The following ZNF562 variants were observed in gnomAD, a reference collection of about 807,000 sequenced individuals.
ZNF562 encodes the protein zinc finger protein 562.
In ZNF562, 13 loss-of-function variants were observed where a neutral mutation model predicts 17.5. The ratio of observed to expected loss-of-function variants is 0.74; its 90% CI spans 0.48 to 1.18. ZNF562 has a LOEUF of 1.18. ZNF562 is among the 50% of genes most tolerant of loss of function. The pLI is 0.00. For synonymous variants in ZNF562, 163 were observed against 165.4 expected, an observed-to-expected ratio of 0.99 and a Z score of 0.11; for missense variants, 481 against 498.5, an observed-to-expected ratio of 0.96 and a Z score of 0.33.
At position 9,651,993 on chromosome 19, in the gene ZNF562, C is replaced by T. The variant is rs1201048041; in HGVS notation, c.*956G>A. ...ATTGTTAAGGAAAAAGGAACCAGAA[C>T]TTGGAGATTTGGAAAATTCTCAGCC... On this transcript the variant is annotated 3_prime_UTR_variant, in exon 6 of 6. Transcript: ENST00000453372. 2 of 152,220 alleles carry T rather than the reference C, an allele frequency of 1.3e-5. No individual in the cohort carries two copies. The highest frequency in any genetic ancestry group is 2.9e-5 in the Non-Finnish European group (2 of 68,042). The allele number at this position is 152,220 out of a possible 1,614,324, so 9.4% of individuals were successfully genotyped here.
rs2074780345 is a variant in ZNF562 at position 9,642,688 on chromosome 19, TA to T, written c.*10260del. The T allele has an allele frequency of 6.6e-6, 1 of 151,834 alleles. No individual in the cohort carries two copies. Among genetic ancestry groups the T allele is most frequent in the South Asian group, 2.1e-4 (1 of 4,816 alleles). 9.4% of individuals were successfully genotyped at this position (151,834 alleles called of 1,614,324 possible). On this transcript the variant is annotated 3_prime_UTR_variant, in exon 6 of 6. Coordinates refer to ENST00000453372, the MANE Select transcript of ZNF562 (RefSeq NM_001130031.2). ...TCTGAACTTTGTATCAAATGGGTAA[TA>T]AGACTATGTAACAGGAACAACACAA...
Position 9,651,121 on chromosome 19 carries a change from C to T in ZNF562, c.*1828G>A, listed in dbSNP as rs1464581637. The stretch of plus-strand genomic sequence containing the variant: ...GTGAGGTACTGCAATTAAAAACAAA[C>T]AAAAAAACTAAAAATGTGAAGCAGC... On this transcript the variant is annotated 3_prime_UTR_variant, in exon 6 of 6. Transcript: ENST00000453372. 6.6e-6 allele frequency: 1 copy of T among 151,792 alleles called. No individual in the cohort carries two copies. 9.4% of individuals were successfully genotyped at this position (151,792 alleles called of 1,614,324 possible). A position where few individuals can be genotyped will look rare whatever the true frequency, so the allele number is the denominator to read the frequency against.
At chr19:9,659,273 T>G in intron 3 of ZNF562, 106 bp downstream of exon 3, 2 of 1,022,872 alleles carry the variant, frequency 2.0e-6, no homozygotes, top group Non-Finnish European at 2.9e-6. Flanking sequence ...GAGTAAGGCT[T>G]CATTTGCTCT....
At chr19:9,655,774 T>C (rs1316121383) in intron 5 of ZNF562, among the ~76,000 whole-genome samples, 1 of 128,458 alleles carries the variant, frequency 7.8e-6, no homozygotes, top group Admixed American at 9.5e-5. Context: ...CACTTGGTCA[T>C]CTAAGCTGGA....
At chr19:9,657,873 T>TAG (rs1286028521) in intron 4 of ZNF562, 136 bp downstream of exon 4, 2 of 1,223,546 alleles carry the variant, frequency 1.6e-6, no homozygotes, top group East Asian at 5.3e-5. Context: ...GATTTTTTTT[T>TAG]AGAGATGAGG....
At chr19:9,669,741 C>CAA (rs2044102469) in intron 1 of ZNF562, among the ~76,000 whole-genome samples, 1 of 138,014 alleles carries the variant, frequency 7.2e-6, no homozygotes, top group Non-Finnish European at 1.6e-5. Flanking sequence ...CGCGCACACA[C>CAA]ACACACACAC....
chr19:9,647,222 C>T lies in ZNF562; in HGVS notation c.*5727G>A, dbSNP rs111523458. 8,792 of 152,074 alleles carry T rather than the reference C, an allele frequency of 0.058. 368 individuals carry two copies. The highest frequency in any genetic ancestry group is 0.092 in the Non-Finnish European group (6,253 of 68,156). 9.4% of individuals were successfully genotyped at this position (152,074 alleles called of 1,614,324 possible). ...TCAGCCTCCTGAGTAGCTGGGATTA[C>T]AGGGGCACAATACCGTGCCCAGCTA... On this transcript the variant is annotated 3_prime_UTR_variant, in exon 6 of 6. Transcript: ENST00000453372.
chr19:9,653,552 G>A lies in ZNF562; in HGVS notation c.678C>T (p.His226=), dbSNP rs1004859196. 24 of 1,614,154 alleles carry A rather than the reference G, an allele frequency of 1.5e-5. No individual in the cohort carries two copies. Among genetic ancestry groups the A allele is most frequent in the Non-Finnish European group, 1.9e-5 (22 of 1,180,026 alleles). The part of the protein sequence containing the change: ...FASLDNHMGI[H]IGEKLCEFQE... ...GAAATTCACAGAGTTTCTCTCCAAT[G>A]TGGATTCCCATGTGATTATCAAGGC... Residue 226 remains histidine (H), a synonymous_variant, in exon 6 of 6, where the codon CAC becomes CAT. Coordinates refer to ENST00000453372, the MANE Select transcript of ZNF562 (RefSeq NM_001130031.2).
chr19:9,665,956 C>T (rs1013910511), intron 1 of ZNF562, among the ~76,000 whole-genome samples: 8 of 151,340 alleles, frequency 5.3e-5, no homozygotes, highest in South Asian at 4.2e-4. Flanking sequence ...ATGCAGTAAG[C>T]CATAATCACA....
intron 1 of ZNF562, among the ~76,000 whole-genome samples, chr19:9,663,716 G>A (rs7248869): frequency 0.12 from 17,778 of 150,120 alleles, 1,542 homozygotes; most frequent in African/African-American, 0.24. Flanking sequence ...TCATTCTGTC[G>A]CCCAGGCTGG....
rs2043638062 is a variant in ZNF562 at position 9,659,399 on chromosome 19, G to A, written c.94C>T (p.His32Tyr). ...KTKIGTMVED[H>Y]RSNSYQDSVT... The stretch of plus-strand genomic sequence containing the variant: ...TTTACCTGGTAAGAATTTGACCGGT[G>A]GTCCTCTACCATCGTTCCTATCTTT... The change falls in exon 3 of 6, where the codon CAC (histidine) becomes TAC (tyrosine). Residue 32 changes from histidine (H) to tyrosine (Y), a missense_variant. His to Tyr is a moderately conservative substitution (Grantham distance 83). This residue lies in a region of ZNF562 where 403 missense variants were observed against 386.4 expected (regional missense o/e 1.04). Transcript: ENST00000453372. 1.3e-6 allele frequency: 2 copies of A among 1,551,282 alleles called. No homozygotes were observed. The highest frequency in any genetic ancestry group is 1.7e-6 in the Non-Finnish European group (2 of 1,146,776).
intron 2 of ZNF562, among the ~76,000 whole-genome samples, 168 bp from the exon 3 acceptor site, chr19:9,659,635 C>G (rs1304758328): frequency 6.6e-6 from 1 of 152,050 alleles, no homozygotes; most frequent in Non-Finnish European, 1.5e-5. Flanking sequence ...CACCTAGACC[C>G]AGAAAAGCAG....
At chr19:9,669,831 G>A (rs2044117067) in intron 1 of ZNF562, among the ~76,000 whole-genome samples, 1 of 151,080 alleles carries the variant, frequency 6.6e-6, no homozygotes, top group South Asian at 2.1e-4. Flanking sequence ...GGAGGCCAAG[G>A]CAGGCAGATC....
In ZNF562 at chr19:9,672,533, G is replaced by A. The variant is rs528445842; in HGVS notation, c.-131+2482C>T. Reference sequence around the variant, plus strand: ...GTTTTCCTTAGGATCAAATTTTTCAGAAAAAAATGTAAAAACTACACTTAG... The same window carrying A: ...GTTTTCCTTAGGATCAAATTTTTCAAAAAAAAATGTAAAAACTACACTTAG... On this transcript the variant is annotated intron_variant, in intron 1 of 5. Transcript: ENST00000453372. 8.9e-4 allele frequency among the ~76,000 whole-genome samples: 135 copies of A among 151,862 alleles called. 1 individual carries two copies. Among genetic ancestry groups the A allele is most frequent in the African/African-American group, 3.0e-3 (126 of 41,438 alleles).
Position 9,648,778 on chromosome 19 carries a change from C to G in ZNF562, c.*4171G>C, listed in dbSNP as rs2074829472. ...TAGCTAAAACTATAGGCATGCATCACCACATCATTTCATTGAAGTATTTAT... is the reference window on the plus strand; with the variant it reads ...TAGCTAAAACTATAGGCATGCATCAGCACATCATTTCATTGAAGTATTTAT... On this transcript the variant is annotated 3_prime_UTR_variant, in exon 6 of 6. Transcript: ENST00000453372. 6.6e-6 allele frequency: 1 copy of G among 151,876 alleles called. No individual in the cohort carries two copies. The highest frequency in any genetic ancestry group is 6.6e-5 in the Admixed American group (1 of 15,202). The allele number at this position is 151,876 out of a possible 1,614,324, so 9.4% of individuals were successfully genotyped here.
chr19:9,658,357 C>CT (rs996798641), intron 3 of ZNF562: 139 of 971,686 alleles, frequency 1.4e-4, no homozygotes, highest in African/African-American at 3.8e-4. Flanking sequence ...TTCTTTCTTT[C>CT]TTTTTTTTTG....
chr19:9,674,931 TGA>T (rs1481226446), intron 1 of ZNF562, 82 bp downstream of exon 1: 7 of 152,498 alleles, frequency 4.6e-5, no homozygotes, highest in African/African-American at 1.7e-4. Context: ...TAGGCGGATC[TGA>T]GAGGCTCCTG....
intron 4 of ZNF562, among the ~76,000 whole-genome samples, 167 bp downstream of exon 4, chr19:9,657,842 C>T (rs368629661): frequency 1.4e-4 from 22 of 152,040 alleles, no homozygotes; most frequent in East Asian, 7.8e-4. Flanking sequence ...CCTCCGGGAC[C>T]GGCCTAGTCT....
At position 9,652,228 on chromosome 19, in the gene ZNF562, G is replaced by C. The variant is rs1211659025; in HGVS notation, c.*721C>G. 6.6e-6 allele frequency: 1 copy of C among 152,174 alleles called. No homozygotes were observed. The highest frequency in any genetic ancestry group is 1.9e-4 in the East Asian group (1 of 5,198). 9.4% of individuals were successfully genotyped at this position (152,174 alleles called of 1,614,324 possible). A position where few individuals can be genotyped will look rare whatever the true frequency, so the allele number is the denominator to read the frequency against. On this transcript the variant is annotated 3_prime_UTR_variant, in exon 6 of 6. Coordinates refer to ENST00000453372, the MANE Select transcript of ZNF562 (RefSeq NM_001130031.2). ...TGGACAGAGAAGACAGAACAGAACA[G>C]TCAAGGTTGTCACACTTCTTATTTT...
Sources: allele counts gnomAD v4.1 joint callset (sites outside exome capture counted in the v4.1 genomes callset), GRCh38; gene constraint gnomAD v4.1.1; regional missense constraint gnomAD v4.1.1; transcripts MANE v1.5; gene names NCBI Gene and HGNC (gene_info 2026-07-23, HGNC 2026-07-21).